Variants in MYO6 observed in about 807,000 individuals in gnomAD.
The protein encoded by MYO6 is unconventional myosin-VI.
A neutral mutation model predicts 178.7 loss-of-function variants in MYO6; 74 were observed. The ratio of observed to expected loss-of-function variants is 0.41; its 90% CI spans 0.34 to 0.50. MYO6 has a LOEUF of 0.50. Among genes scored for constraint, MYO6 ranks in the 20% least tolerant of loss-of-function variants. MYO6 has a pLI of 0.09. For missense variants in MYO6, 1,330 were observed against 1,547.4 expected (o/e 0.86, Z 2.36); for synonymous variants, 477 against 504.6 (o/e 0.95, Z 0.73).
At chr6:75,764,505 A>G (rs1478333171) in intron 1 of MYO6, among the ~76,000 whole-genome samples, 1 of 152,068 alleles carries the variant, frequency 6.6e-6, no homozygotes, top group Non-Finnish European at 1.5e-5. Flanking sequence ...ATGTACATCA[A>G]AGGTTCTGTG....
intron 30 of MYO6, 95 bp from the exon 31 acceptor site, chr6:75,907,510 C>T: frequency 1.1e-6 from 1 of 927,334 alleles, no homozygotes. Flanking sequence ...GTAGCTGTTT[C>T]CGGTTTTCAA....
intron 15 of MYO6, 96 bp from the exon 16 acceptor site, chr6:75,862,500 G>T: frequency 9.0e-7 from 1 of 1,109,830 alleles, no homozygotes. Flanking sequence ...TGTTGTTTCT[G>T]ATCAGTCCTT....
At chr6:75,900,412 T>G (rs1487085235) in intron 30 of MYO6, among the ~76,000 whole-genome samples, 2 of 152,238 alleles carry the variant, frequency 1.3e-5, no homozygotes, top group Non-Finnish European at 2.9e-5. Context: ...TTCCTGACTT[T>G]TTAATGATTG....
At position 75,848,473 on chromosome 6, in the gene MYO6, A is replaced by G. The variant is rs539164530; in HGVS notation, c.1020A>G (p.Val340=). Residue 340 remains valine (V), a synonymous_variant, in exon 11 of 35, where the codon GTA becomes GTG. Coordinates refer to ENST00000369977, the MANE Select transcript of MYO6 (RefSeq NM_004999.4). The part of the protein sequence containing the change: ...DDEEKLDLFR[V]VAGVLHLGNI... The stretch of plus-strand genomic sequence containing the variant: ...AAGAAAAGCTTGATCTCTTCCGGGT[A>G]GTAGCTGGCGTCCTGCACCTTGGAA... The G allele has an allele frequency of 5.6e-6, 9 of 1,613,930 alleles. No homozygotes were observed. The highest frequency in any genetic ancestry group is 1.3e-5 in the African/African-American group (1 of 75,032).
At position 75,779,501 on chromosome 6, in the gene MYO6, G is replaced by GA. The variant is rs952830675; in HGVS notation, c.-48+30090dup. 5.5e-3 allele frequency among the ~76,000 whole-genome samples: 785 copies of GA among 142,656 alleles called. 10 individuals are homozygous for GA. The highest frequency in any genetic ancestry group is 0.017 in the African/African-American group (675 of 39,014). 93.6% of individuals were successfully genotyped at this position (142,656 alleles called of 152,430 possible). On this transcript the variant is annotated intron_variant, in intron 1 of 34. Transcript: ENST00000369977. Reference sequence around the variant, plus strand: ...TGGGTGACAGAGTGAGATTCCATCTGAAAAAAAAAAAATTCTTAATAAAAA... The same window carrying GA: ...TGGGTGACAGAGTGAGATTCCATCTGAAAAAAAAAAAAATTCTTAATAAAAA...
At position 75,853,716 on chromosome 6, in the gene MYO6, A is replaced by T. The variant is rs570429873; in HGVS notation, c.1079-1423A>T. Among the ~76,000 whole-genome samples the T allele has an allele frequency of 4.0e-3, 615 of 152,268 alleles. 8 individuals are homozygous for T. The highest frequency in any genetic ancestry group is 0.014 in the African/African-American group (593 of 41,552). Reference sequence around the variant, plus strand: ...ATGAATTTGTCATAAAATTGTCATGATTTTCACACATTCTTTGTAGTTTTT... The same window carrying T: ...ATGAATTTGTCATAAAATTGTCATGTTTTTCACACATTCTTTGTAGTTTTT... On this transcript the variant is annotated intron_variant, in intron 11 of 34. Coordinates refer to ENST00000369977, the MANE Select transcript of MYO6 (RefSeq NM_004999.4).
chr6:75,889,447 G>A (rs1229674080), intron 25 of MYO6, among the ~76,000 whole-genome samples: 1 of 152,078 alleles, frequency 6.6e-6, no homozygotes, highest in Non-Finnish European at 1.5e-5. Flanking sequence ...TTGCTCTGTT[G>A]CCCAGTCTGG....
At chr6:75,794,302 C>T (rs1768552572) in intron 1 of MYO6, among the ~76,000 whole-genome samples, 1 of 152,034 alleles carries the variant, frequency 6.6e-6, no homozygotes, top group Non-Finnish European at 1.5e-5. Flanking sequence ...TTTGTGCTTC[C>T]AGACTAAACA....
chr6:75,808,831 T>C (rs959917137), intron 1 of MYO6, among the ~76,000 whole-genome samples: 7 of 152,198 alleles, frequency 4.6e-5, no homozygotes, highest in Non-Finnish European at 1.0e-4. Context: ...CTGTAAGATG[T>C]ACATTAGTTT....
intron 30 of MYO6, among the ~76,000 whole-genome samples, chr6:75,903,706 T>G (rs1266435615): frequency 6.6e-6 from 1 of 152,202 alleles, no homozygotes; most frequent in East Asian, 1.9e-4. Context: ...GTCTTTTAAT[T>G]GGAGCATTTA....
At chr6:75,815,386 A>T (rs1001170855) in intron 1 of MYO6, among the ~76,000 whole-genome samples, 1 of 152,338 alleles carries the variant, frequency 6.6e-6, no homozygotes, top group South Asian at 2.1e-4. Context: ...CCTATTAGAT[A>T]CATTCATGAA....
rs1236370164 is a variant in MYO6 at position 75,791,188 on chromosome 6, C to T, written c.-47-26313C>T. Among the ~76,000 whole-genome samples, 4 of 152,328 alleles carry T rather than the reference C, an allele frequency of 2.6e-5. No individual in the cohort carries two copies. The East Asian group carries it at 5.8e-4, about 22-fold the overall frequency. ...GACCTCGTGATCCACCCACCTTGGCCTCCCAAAGTGCTGGGATTAAAGGTG... is the reference window on the plus strand; with the variant it reads ...GACCTCGTGATCCACCCACCTTGGCTTCCCAAAGTGCTGGGATTAAAGGTG... On this transcript the variant is annotated intron_variant, in intron 1 of 34. Transcript: ENST00000369977.
chr6:75,763,320 G>A (rs570587654), intron 1 of MYO6, among the ~76,000 whole-genome samples: 13 of 152,180 alleles, frequency 8.5e-5, no homozygotes, highest in African/African-American at 2.6e-4. Context: ...CACTGTGCCC[G>A]GCATAATTTT....
intron 30 of MYO6, among the ~76,000 whole-genome samples, chr6:75,899,085 T>G (rs1206176304): frequency 1.3e-5 from 2 of 152,212 alleles, no homozygotes; most frequent in African/African-American, 4.8e-5. Flanking sequence ...ACTATTTTAG[T>G]AACTCCAGAG....
intron 1 of MYO6, among the ~76,000 whole-genome samples, chr6:75,765,158 T>TAA (rs1199049640): frequency 9.5e-6 from 1 of 105,412 alleles, no homozygotes; most frequent in Non-Finnish European, 2.0e-5. Flanking sequence ...AGGCTATGAC[T>TAA]AAAAAAAAAA....
intron 1 of MYO6, among the ~76,000 whole-genome samples, chr6:75,797,145 G>A (rs1036371226): frequency 2.6e-5 from 4 of 151,884 alleles, no homozygotes; most frequent in African/African-American, 2.4e-5. Flanking sequence ...GCTGGAGAGC[G>A]GTGGCACAAT....
chr6:75,874,808 T>C (rs1777440787), intron 20 of MYO6, among the ~76,000 whole-genome samples: 1 of 152,246 alleles, frequency 6.6e-6, no homozygotes, highest in Non-Finnish European at 1.5e-5. Context: ...TTGTTGCTTT[T>C]TCAGTTTCAT....
intron 5 of MYO6, among the ~76,000 whole-genome samples, chr6:75,832,592 C>G (rs73751027): frequency 1.7e-3 from 261 of 152,254 alleles, no homozygotes; most frequent in African/African-American, 6.1e-3. Context: ...TCAAGACATT[C>G]TGTCAGAAAC....
At chr6:75,795,437 G>T (rs985916733) in intron 1 of MYO6, among the ~76,000 whole-genome samples, 4 of 152,094 alleles carry the variant, frequency 2.6e-5, no homozygotes, top group Non-Finnish European at 5.9e-5. Context: ...CAGTATGATC[G>T]ATTATTTTTG....
Sources: gnomAD v4.1 joint callset for allele counts (sites outside exome capture counted in the v4.1 genomes callset) on GRCh38, gnomAD v4.1.1 for gene constraint, MANE v1.5 for transcripts, NCBI Gene and HGNC (gene_info 2026-07-23, HGNC 2026-07-21) for gene names.